Variants in BCAR3 observed in about 807,000 individuals in gnomAD.
BCAR3 encodes BCAR3 adaptor protein, NSP family member, also known as breast cancer anti-estrogen resistance protein 3.
In BCAR3, 37 loss-of-function variants were observed where a neutral mutation model predicts 80.1. That is an observed-to-expected ratio of 0.46 (90% CI 0.36 to 0.61). The LOEUF (loss-of-function observed/expected upper bound fraction) is 0.61. BCAR3 is among the 20% of genes least tolerant of loss of function. The pLI, the probability that BCAR3 is intolerant of heterozygous loss-of-function variation, is 0.00. For synonymous variants in BCAR3, 389 were observed against 418.9 expected (o/e 0.93, Z 0.87); for missense variants, 978 against 1,068.2 (o/e 0.92, Z 1.18).
chr1:93,726,928 C>T (rs1650606007), intron 2 of BCAR3, among the ~76,000 whole-genome samples: 1 of 152,192 alleles, frequency 6.6e-6, no homozygotes, highest in Non-Finnish European at 1.5e-5. Flanking sequence ...GTTTATCAAA[C>T]ATTGGTGTTT....
At chr1:93,814,032 T>G (rs1365088832) in intron 2 of BCAR3, among the ~76,000 whole-genome samples, 8 of 152,218 alleles carry the variant, frequency 5.3e-5, no homozygotes, top group Non-Finnish European at 8.8e-5. Flanking sequence ...GTAAATTTTT[T>G]ATGACAGGAA....
chr1:93,674,822 G>A lies in BCAR3; in HGVS notation c.109C>T (p.His37Tyr). 1 of 1,605,310 alleles carries A rather than the reference G, an allele frequency of 6.2e-7. No homozygotes were observed. Among genetic ancestry groups the A allele is most frequent in the Non-Finnish European group, 8.5e-7 (1 of 1,176,660 alleles). The change falls in exon 2 of 12, where the codon CAT becomes TAT. Residue 37 changes from histidine to tyrosine, a missense_variant. Coordinates refer to ENST00000260502, the MANE Select transcript of BCAR3 (RefSeq NM_003567.4). Reference sequence around the variant, plus strand: ...ACATCTTGATAGGCATCTGGGCGATGCTCAGCGAGAGGGGACCTGCTGCTC... The same window carrying A: ...ACATCTTGATAGGCATCTGGGCGATACTCAGCGAGAGGGGACCTGCTGCTC... ...LLSSRSPLAEHRPDAYQDVSI... is the reference protein window; with the variant it reads ...LLSSRSPLAEYRPDAYQDVSI...
intron 2 of BCAR3, among the ~76,000 whole-genome samples, chr1:93,672,368 A>C (rs982311563): frequency 6.6e-6 from 1 of 150,480 alleles, no homozygotes; most frequent in Admixed American, 6.6e-5. Flanking sequence ...AAGAGCTGGC[A>C]CCTAGCCAGG....
Position 93,819,021 on chromosome 1 carries a change from A to G in BCAR3, c.-63+26546T>C, listed in dbSNP as rs185883008. The stretch of plus-strand genomic sequence containing the variant: ...ATGTTTGTTATAATAATGTTGAGAT[A>G]GAAGCAATGATCCACATGTTGTTAT... On this transcript the variant is annotated intron_variant, in intron 2 of 13. Transcript: ENST00000370244. Among the ~76,000 whole-genome samples the G allele has an allele frequency of 2.6e-5, 4 of 152,260 alleles. No individual in the cohort carries two copies. In the East Asian group the frequency reaches 7.7e-4, roughly 29 times the overall value.
At chr1:93,775,440 TCA>T (rs1652512276) in intron 2 of BCAR3, 1 of 152,134 alleles carries the variant, frequency 6.6e-6, no homozygotes, top group African/African-American at 2.4e-5. Flanking sequence ...GGCTGGTGAG[TCA>T]CAGTGTGATG....
chr1:93,787,537 T>G (rs1184229769), intron 2 of BCAR3, among the ~76,000 whole-genome samples: 1 of 152,206 alleles, frequency 6.6e-6, no homozygotes, highest in South Asian at 2.1e-4. Flanking sequence ...CTCAAAAAAT[T>G]TTTTAATTTC....
At chr1:93,661,989 G>GGTTA (rs1557644680) in intron 2 of BCAR3, among the ~76,000 whole-genome samples, 2 of 152,140 alleles carry the variant, frequency 1.3e-5, no homozygotes, top group Non-Finnish European at 2.9e-5. Flanking sequence ...CTGCACCCAG[G>GGTTA]GTTAACACGT....
At chr1:93,604,952 CT>C (rs1674732027) in intron 3 of BCAR3, among the ~76,000 whole-genome samples, 1 of 152,200 alleles carries the variant, frequency 6.6e-6, no homozygotes, top group Non-Finnish European at 1.5e-5. Flanking sequence ...TTTCTTACCC[CT>C]TGATAAACAT....
At chr1:93,741,149 G>T (rs1246134900) in intron 2 of BCAR3, among the ~76,000 whole-genome samples, 4 of 152,216 alleles carry the variant, frequency 2.6e-5, no homozygotes, top group African/African-American at 9.7e-5. Context: ...CTTGAAGGAA[G>T]TTGTAACTAA....
At chr1:93,661,832 C>T (rs770904637) in intron 2 of BCAR3, among the ~76,000 whole-genome samples, 11 of 152,132 alleles carry the variant, frequency 7.2e-5, no homozygotes, top group Non-Finnish European at 1.3e-4. Context: ...TCTAGATGTG[C>T]GCTTAAATAT....
intron 2 of BCAR3, among the ~76,000 whole-genome samples, chr1:93,789,257 C>G: frequency 6.6e-6 from 1 of 151,482 alleles, no homozygotes. Flanking sequence ...ATTACAGGCA[C>G]AAGCCACTAC....
intron 3 of BCAR3, among the ~76,000 whole-genome samples, chr1:93,612,423 A>G (rs1207148365): frequency 6.6e-6 from 1 of 152,064 alleles, no homozygotes; most frequent in Non-Finnish European, 1.5e-5. Context: ...GGCCTTTTCT[A>G]TATATTATGT....
chr1:93,664,945 C>G (rs1647831755), intron 2 of BCAR3, among the ~76,000 whole-genome samples: 1 of 151,898 alleles, frequency 6.6e-6, no homozygotes, highest in Non-Finnish European at 1.5e-5. Context: ...CACCCATTCC[C>G]TACCGGCTTC....
At chr1:93,743,071 C>T (rs1366321112) in intron 2 of BCAR3, among the ~76,000 whole-genome samples, 2 of 151,990 alleles carry the variant, frequency 1.3e-5, no homozygotes, top group Non-Finnish European at 1.5e-5. Flanking sequence ...CAGTCAAATT[C>T]TTTATATAGG....
intron 2 of BCAR3, among the ~76,000 whole-genome samples, chr1:93,844,703 CTT>C (rs11363783): frequency 0.031 from 4,415 of 140,410 alleles, 194 homozygotes; most frequent in African/African-American, 0.11. Context: ...TGACTTTCTT[CTT>C]TTTTTTTTTT....
upstream of BCAR3, among the ~76,000 whole-genome samples, chr1:93,684,988 C>A (rs55759387): frequency 3.9e-3 from 592 of 152,292 alleles, 2 homozygotes; most frequent in Middle Eastern, 0.014. Flanking sequence ...CCTCAGCCTC[C>A]CAAAGTGCTG....
intron 2 of BCAR3, among the ~76,000 whole-genome samples, chr1:93,725,077 C>G (rs1375301956): frequency 6.6e-6 from 1 of 152,238 alleles, no homozygotes; most frequent in Non-Finnish European, 1.5e-5. Context: ...TCGTAGCCCA[C>G]AGCACTCGTC....
Position 93,650,858 on chromosome 1 carries a change from CTGAT to C in BCAR3, c.318-8519_318-8516del, listed in dbSNP as rs1676300557. Among the ~76,000 whole-genome samples, 3 of 152,134 alleles carry C rather than the reference CTGAT, an allele frequency of 2.0e-5. No individual in the cohort carries two copies. In the South Asian group the frequency reaches 6.2e-4, roughly 32 times the overall value. On this transcript the variant is annotated intron_variant, in intron 2 of 11. Transcript: ENST00000260502. ...GTAGAAGATGGGAAAGATGTGAAATCTGATTGACCAAGTTTAATTGTGAAATAGC... is the reference window on the plus strand; with the variant it reads ...GTAGAAGATGGGAAAGATGTGAAATCTGACCAAGTTTAATTGTGAAATAGC...
intron 2 of BCAR3, among the ~76,000 whole-genome samples, chr1:93,652,022 AG>A (rs1676341756): frequency 6.6e-6 from 1 of 152,196 alleles, no homozygotes; most frequent in Non-Finnish European, 1.5e-5. Context: ...AGAACTTCTG[AG>A]GGGGTATTTG....
Sources: allele counts gnomAD v4.1 joint callset (sites outside exome capture counted in the v4.1 genomes callset), GRCh38; gene constraint gnomAD v4.1.1; transcripts MANE v1.5; gene names NCBI Gene and HGNC (gene_info 2026-07-23, HGNC 2026-07-21).